The following ANKS1B variants were observed in gnomAD, a reference collection of about 807,000 sequenced individuals.
ANKS1B encodes the protein ankyrin repeat and sterile alpha motif domain containing 1B.
In ANKS1B, 36 loss-of-function variants were observed where a neutral mutation model predicts 148.3. That is an observed-to-expected ratio of 0.24 (90% CI 0.19 to 0.32). The LOEUF (loss-of-function observed/expected upper bound fraction) is 0.32. ANKS1B is among the 10% of genes least tolerant of loss of function. The pLI is 1.00. For synonymous variants in ANKS1B, 542 were observed against 560.8 expected, an observed-to-expected ratio of 0.97 and a Z score of 0.47; for missense variants, 1,157 against 1,542.6, an observed-to-expected ratio of 0.75 and a Z score of 4.19.
At chr12:99,229,489 C>T (rs1210629643) in intron 14 of ANKS1B, among the ~76,000 whole-genome samples, 1 of 151,784 alleles carries the variant, frequency 6.6e-6, no homozygotes, top group African/African-American at 2.4e-5. Flanking sequence ...TCCTAACTCC[C>T]TGGAAGTTTA....
chr12:99,873,789 A>G (rs1009826452), intron 1 of ANKS1B, among the ~76,000 whole-genome samples: 1 of 152,132 alleles, frequency 6.6e-6, no homozygotes, highest in African/African-American at 2.4e-5. Flanking sequence ...AGTAAAGCAG[A>G]TTGCCCTCTG....
chr12:99,767,150 T>C (rs986471129), intron 8 of ANKS1B, among the ~76,000 whole-genome samples: 1 of 151,894 alleles, frequency 6.6e-6, no homozygotes, highest in Non-Finnish European at 1.5e-5. Flanking sequence ...AATACTAAAA[T>C]AAAATACCTC....
rs73143673 is a variant in ANKS1B, at chr12:99,695,184, C to T, written c.1129-39974G>A. ...AGGAAATCCCTAAATTCAGAAGTAG[C>T]CTATAGAAGTTGACGTTTTAACAAA... On this transcript the variant is annotated intron_variant, in intron 8 of 26. Transcript: ENST00000683438. 8.7e-3 allele frequency among the ~76,000 whole-genome samples: 1,243 copies of T among 143,150 alleles called. 7 individuals are homozygous for T. Among genetic ancestry groups the T allele is most frequent in the Non-Finnish European group, 0.013 (854 of 67,654 alleles). 93.9% of individuals were successfully genotyped at this position (143,150 alleles called of 152,430 possible).
At chr12:99,678,241 T>C (rs1018051992) in intron 8 of ANKS1B, among the ~76,000 whole-genome samples, 6 of 152,204 alleles carry the variant, frequency 3.9e-5, no homozygotes, top group African/African-American at 1.4e-4. Flanking sequence ...AATTACAAAA[T>C]GATACAAATC....
intron 1 of ANKS1B, among the ~76,000 whole-genome samples, chr12:99,959,892 A>G (rs2095384909): frequency 6.6e-6 from 1 of 152,180 alleles, no homozygotes; most frequent in African/African-American, 2.4e-5. Context: ...AAATAACATC[A>G]TGCATCCCTC....
chr12:99,498,179 G>C (rs755784208), intron 10 of ANKS1B, among the ~76,000 whole-genome samples: 1 of 152,010 alleles, frequency 6.6e-6, no homozygotes, highest in East Asian at 1.9e-4. Flanking sequence ...GAATCTTCCC[G>C]CTTTCAACTT....
At chr12:99,263,851 T>G (rs779911727) in intron 12 of ANKS1B, among the ~76,000 whole-genome samples, 7 of 152,326 alleles carry the variant, frequency 4.6e-5, no homozygotes, top group Middle Eastern at 3.4e-3. Flanking sequence ...GTGAGTCAAC[T>G]AAACCTCTTT....
chr12:99,768,604 G>A (rs1399590595), intron 8 of ANKS1B, among the ~76,000 whole-genome samples: 1 of 152,030 alleles, frequency 6.6e-6, no homozygotes, highest in Non-Finnish European at 1.5e-5. Context: ...GAGGCAGGCA[G>A]ATCACAAGGT....
chr12:99,646,988 A>G (rs1216608476), intron 9 of ANKS1B, among the ~76,000 whole-genome samples: 1 of 151,598 alleles, frequency 6.6e-6, no homozygotes, highest in Non-Finnish European at 1.5e-5. Flanking sequence ...CTATAGAAAC[A>G]GAAAAAAAAA....
At chr12:99,529,599 G>A (rs2096966522) in intron 9 of ANKS1B, among the ~76,000 whole-genome samples, 1 of 148,486 alleles carries the variant, frequency 6.7e-6, no homozygotes, top group Non-Finnish European at 1.5e-5. Context: ...GTTGCAGTGA[G>A]CAAAGATTGC....
chr12:99,190,557 A>T (rs2080522992), intron 14 of ANKS1B, among the ~76,000 whole-genome samples: 1 of 152,170 alleles, frequency 6.6e-6, no homozygotes, highest in Non-Finnish European at 1.5e-5. Context: ...CAACCATCTG[A>T]TCTCTGACAA....
At chr12:98,999,648 G>A (rs1205334955) in intron 17 of ANKS1B, among the ~76,000 whole-genome samples, 1 of 152,178 alleles carries the variant, frequency 6.6e-6, no homozygotes, top group African/African-American at 2.4e-5. Context: ...TAAGGGGAAT[G>A]GAAAAGTTTC....
At chr12:98,813,529 T>A (rs1242622946) in intron 19 of ANKS1B, among the ~76,000 whole-genome samples, 1 of 150,808 alleles carries the variant, frequency 6.6e-6, no homozygotes, top group Non-Finnish European at 1.5e-5. Flanking sequence ...AAATTTAAGT[T>A]TTGTTTTTTT....
intron 10 of ANKS1B, among the ~76,000 whole-genome samples, chr12:99,491,092 C>A (rs1265367550): frequency 1.3e-5 from 2 of 152,012 alleles, no homozygotes; most frequent in Non-Finnish European, 2.9e-5. Context: ...CCGAGGCAGG[C>A]GGATCATGAG....
chr12:99,939,212 C>G (rs1348227956), intron 1 of ANKS1B, among the ~76,000 whole-genome samples: 1 of 152,006 alleles, frequency 6.6e-6, no homozygotes, highest in East Asian at 1.9e-4. Context: ...CTGCCTCAGC[C>G]CCTGAGTATC....
rs768426718 is a variant in ANKS1B at position 98,832,068 on chromosome 12, G to A, written c.2847C>T (p.Asp949=). 2.5e-6 allele frequency: 4 copies of A among 1,598,608 alleles called. No homozygotes were observed. The highest frequency in any genetic ancestry group is 2.3e-5 in the East Asian group (1 of 44,412). ...ILASLGDRLH[D]DPPQKPPRSI... Reference sequence around the variant, plus strand: ...ACCGAGGGGGCTTCTGTGGGGGATCGTCGTGCAGCCTGTCTCCCAGAGATG... The same window carrying A: ...ACCGAGGGGGCTTCTGTGGGGGATCATCGTGCAGCCTGTCTCCCAGAGATG... The change falls in exon 18 of 27, where the codon GAC becomes GAT. Residue 949 remains aspartate, a synonymous_variant. Coordinates refer to ENST00000683438, the MANE Select transcript of ANKS1B (RefSeq NM_001352186.2).
At chr12:99,615,804 A>T (rs1001671822) in intron 9 of ANKS1B, among the ~76,000 whole-genome samples, 2 of 152,172 alleles carry the variant, frequency 1.3e-5, no homozygotes, top group Non-Finnish European at 2.9e-5. Context: ...GCAATCAGGC[A>T]AGAGAAAGAA....
At chr12:98,780,913 A>G (rs945488730) in intron 24 of ANKS1B, among the ~76,000 whole-genome samples, 1 of 151,740 alleles carries the variant, frequency 6.6e-6, no homozygotes. Context: ...CCTTCCCCCA[A>G]ATGGTTCCTT....
At chr12:98,921,966 A>T (rs1336380432) in intron 17 of ANKS1B, among the ~76,000 whole-genome samples, 1 of 152,226 alleles carries the variant, frequency 6.6e-6, no homozygotes, top group Non-Finnish European at 1.5e-5. Context: ...TTCCTCCTAT[A>T]ACCTCAAACA....
Sources: allele counts gnomAD v4.1 joint callset (sites outside exome capture counted in the v4.1 genomes callset), GRCh38; gene constraint gnomAD v4.1.1; transcripts MANE v1.5; gene names NCBI Gene and HGNC (gene_info 2026-07-23, HGNC 2026-07-21).